PPARGC1A: variants seen among roughly 807,000 people sequenced by gnomAD.
The protein encoded by PPARGC1A is PPARG coactivator 1 alpha.
In PPARGC1A, 25 loss-of-function variants were observed where a neutral mutation model predicts 88.7. That is an observed-to-expected ratio of 0.28 (90% CI 0.21 to 0.39). The LOEUF is 0.39. Ranked by LOEUF, PPARGC1A falls within the 10% of genes least tolerant of loss-of-function variation. PPARGC1A has a pLI of 1.00. For synonymous variants in PPARGC1A, 363 were observed against 355.6 expected (o/e 1.02, Z -0.24); for missense variants, 880 against 968.7 (o/e 0.91, Z 1.22).
At chr4:24,391,684 T>C in the PPARGC1A span, among the ~76,000 whole-genome samples, 1 of 152,212 alleles carries the variant, frequency 6.6e-6, no homozygotes, top group East Asian at 1.9e-4. Flanking sequence ...AATAATCTCA[T>C]AAATCTCTTC....
the PPARGC1A span, among the ~76,000 whole-genome samples, chr4:24,401,087 T>G: frequency 6.7e-6 from 1 of 149,602 alleles, no homozygotes; most frequent in Non-Finnish European, 1.5e-5. Context: ...GGCGCGATCT[T>G]GGCTCACTTC....
chr4:24,347,279 C>A, the PPARGC1A span, among the ~76,000 whole-genome samples: 1 of 147,524 alleles, frequency 6.8e-6, no homozygotes, highest in East Asian at 2.0e-4. Flanking sequence ...TCTGTGAAGG[C>A]CATTTGTTCC....
At chr4:23,798,361 C>T (rs896913037) in intron 12 of PPARGC1A, among the ~76,000 whole-genome samples, 1 of 152,150 alleles carries the variant, frequency 6.6e-6, no homozygotes, top group African/African-American at 2.4e-5. Flanking sequence ...ACCTGGAAAA[C>T]TGTTGGCACA....
At chr4:24,295,543 C>T in the PPARGC1A span, among the ~76,000 whole-genome samples, 1 of 151,896 alleles carries the variant, frequency 6.6e-6, no homozygotes, top group African/African-American at 2.4e-5. Context: ...CTAACTTTAT[C>T]TTGAAAGGCT....
the PPARGC1A span, among the ~76,000 whole-genome samples, chr4:24,123,489 AAGGC>A: frequency 6.6e-6 from 1 of 152,176 alleles, no homozygotes; most frequent in Non-Finnish European, 1.5e-5. Context: ...GATAGAGTGT[AAGGC>A]AGAAAATAAG....
At chr4:23,857,354 TATGTGCGTGTGTGTGTGTG>T (rs1450613947) in intron 2 of PPARGC1A, among the ~76,000 whole-genome samples, 1 of 110,290 alleles carries the variant, frequency 9.1e-6, no homozygotes, top group Non-Finnish European at 1.9e-5. Flanking sequence ...ATCTATTTAG[TATGTGCGTGTGTGTGTGTG>T]ACACACACAC....
chr4:24,400,740 G>A, the PPARGC1A span, among the ~76,000 whole-genome samples: 5 of 152,144 alleles, frequency 3.3e-5, no homozygotes, highest in Non-Finnish European at 5.9e-5. Context: ...CAGTCAAAGC[G>A]CTTAGCACCT....
At chr4:24,253,586 T>C in the PPARGC1A span, among the ~76,000 whole-genome samples, 1 of 152,214 alleles carries the variant, frequency 6.6e-6, no homozygotes, top group Non-Finnish European at 1.5e-5. Flanking sequence ...AAATCAAGCA[T>C]AGTCATACAT....
the PPARGC1A span, among the ~76,000 whole-genome samples, chr4:24,012,293 T>C: frequency 6.6e-6 from 1 of 152,092 alleles, no homozygotes; most frequent in Non-Finnish European, 1.5e-5. Context: ...GAGTTGGTCA[T>C]TTCTAGGTGA....
the PPARGC1A span, among the ~76,000 whole-genome samples, chr4:24,162,590 CCTTTT>C: frequency 1.5e-5 from 2 of 130,198 alleles, no homozygotes; most frequent in African/African-American, 6.1e-5. Context: ...TTCCTTACTT[CCTTTT>C]TTTTTTTTTT....
chr4:24,276,959 T>G, the PPARGC1A span, among the ~76,000 whole-genome samples: 1 of 152,152 alleles, frequency 6.6e-6, no homozygotes, highest in Non-Finnish European at 1.5e-5. Context: ...TCCATGTAGC[T>G]CTTCTGAGTA....
the PPARGC1A span, among the ~76,000 whole-genome samples, chr4:23,921,176 A>T: frequency 6.6e-6 from 1 of 152,278 alleles, no homozygotes; most frequent in Admixed American, 6.5e-5. Flanking sequence ...GCTGACTTTG[A>T]TTCTTCAGAT....
the PPARGC1A span, among the ~76,000 whole-genome samples, chr4:24,004,416 G>A: frequency 6.6e-6 from 1 of 152,200 alleles, no homozygotes; most frequent in African/African-American, 2.4e-5. Context: ...CATCAGTTGG[G>A]ATGATTAAAA....
At chr4:24,433,830 C>T in the PPARGC1A span, among the ~76,000 whole-genome samples, 5 of 152,160 alleles carry the variant, frequency 3.3e-5, no homozygotes, top group Admixed American at 1.3e-4. Flanking sequence ...ATTGCTGAAA[C>T]TCAAGAAGCT....
the PPARGC1A span, among the ~76,000 whole-genome samples, chr4:24,099,542 G>A: frequency 0.021 from 3,152 of 152,158 alleles, 119 homozygotes; most frequent in African/African-American, 0.068. Flanking sequence ...GAGAGGAGCC[G>A]GGGGATTGCT....
At chr4:24,289,006 C>T in the PPARGC1A span, among the ~76,000 whole-genome samples, 19 of 152,070 alleles carry the variant, frequency 1.2e-4, no homozygotes, top group East Asian at 3.9e-4. Flanking sequence ...TGGATCACGA[C>T]GTCAGGAGTT....
chr4:24,336,782 G>A, the PPARGC1A span, among the ~76,000 whole-genome samples: 6 of 152,086 alleles, frequency 3.9e-5, no homozygotes, highest in South Asian at 8.3e-4. Context: ...GCTGCCATGA[G>A]GCAAACACAG....
the PPARGC1A span, among the ~76,000 whole-genome samples, chr4:24,168,628 A>C: frequency 0.017 from 2,533 of 148,366 alleles, 75 homozygotes; most frequent in African/African-American, 0.061. Context: ...CACACACACA[A>C]ACACACAGAC....
chr4:23,946,981 G>A, the PPARGC1A span, among the ~76,000 whole-genome samples: 2 of 151,946 alleles, frequency 1.3e-5, no homozygotes, highest in Admixed American at 1.3e-4. Context: ...ATCTGCCTCT[G>A]GCAGGTTGGT....
Sources: gnomAD v4.1 joint callset for allele counts (sites outside exome capture counted in the v4.1 genomes callset) on GRCh38, gnomAD v4.1.1 for gene constraint, MANE v1.5 for transcripts, NCBI Gene and HGNC (gene_info 2026-07-23, HGNC 2026-07-21) for gene names.